The following DNAH9 variants were observed in gnomAD, a reference collection of about 807,000 sequenced individuals.
The protein encoded by DNAH9 is dynein axonemal heavy chain 9.
In DNAH9, 345 loss-of-function variants were observed where a neutral mutation model predicts 471.6. That is an observed-to-expected ratio of 0.73 (90% CI 0.67 to 0.80). The LOEUF is 0.80. Ranked by LOEUF, DNAH9 falls within the 30% of genes least tolerant of loss-of-function variation. The pLI is 0.00. For missense variants in DNAH9, 5,407 were observed against 5,609.2 expected, an observed-to-expected ratio of 0.96 and a Z score of 1.15; for synonymous variants, 2,093 against 2,123.6, an observed-to-expected ratio of 0.99 and a Z score of 0.40.
At chr17:11,891,357 G>T (rs551401313) in intron 57 of DNAH9, among the ~76,000 whole-genome samples, 9 of 152,008 alleles carry the variant, frequency 5.9e-5, no homozygotes, top group Admixed American at 1.3e-4. Context: ...CATTTCTTTG[G>T]TTTTTTTTGT....
intron 41 of DNAH9, among the ~76,000 whole-genome samples, chr17:11,784,885 T>G (rs1027269183): frequency 6.6e-6 from 1 of 151,910 alleles, no homozygotes; most frequent in African/African-American, 2.4e-5. Flanking sequence ...GAAAGAAAAC[T>G]ATTTTGGATC....
rs528525335 is a variant in DNAH9 at position 11,773,959 on chromosome 17, G to C, written c.7552+4630G>C. Among the ~76,000 whole-genome samples the C allele has an allele frequency of 7.2e-4, 110 of 151,902 alleles. 2 individuals carry two copies. The South Asian group carries it at 0.017, about 24-fold the overall frequency. ...AGCCTGGCCAACATGGTGAAACCCT[G>C]TCTCTATCAAAAATACAAAAAAAAA... On this transcript the variant is annotated intron_variant, in intron 38 of 68. Transcript: ENST00000262442.
intron 43 of DNAH9, among the ~76,000 whole-genome samples, chr17:11,807,272 A>G (rs1160130327): frequency 6.6e-6 from 1 of 152,156 alleles, no homozygotes; most frequent in Non-Finnish European, 1.5e-5. Context: ...CTTTCCTAAG[A>G]GGAACCAACT....
At chr17:11,949,065 C>G (rs1234585401) in intron 67 of DNAH9, among the ~76,000 whole-genome samples, 6 of 152,188 alleles carry the variant, frequency 3.9e-5, no homozygotes, top group Admixed American at 3.3e-4. Flanking sequence ...CTACAGCCTA[C>G]AAATCCAAGC....
chr17:11,895,888 T>G (rs1973201815), intron 59 of DNAH9, among the ~76,000 whole-genome samples: 1 of 152,254 alleles, frequency 6.6e-6, no homozygotes, highest in Non-Finnish European at 1.5e-5. Context: ...TAATTATTTA[T>G]ATACTTGCCG....
chr17:11,866,553 TCAGA>T (rs947472333), intron 50 of DNAH9, among the ~76,000 whole-genome samples: 7 of 152,194 alleles, frequency 4.6e-5, no homozygotes, highest in African/African-American at 7.2e-5. Context: ...TTCAAAGCTG[TCAGA>T]CAGAGACATT....
intron 61 of DNAH9, among the ~76,000 whole-genome samples, chr17:11,909,436 A>T (rs1014069704): frequency 6.6e-6 from 1 of 152,118 alleles, no homozygotes; most frequent in Non-Finnish European, 1.5e-5. Flanking sequence ...AGTTACTCAA[A>T]TTAGCCGGTC....
intron 45 of DNAH9, among the ~76,000 whole-genome samples, chr17:11,815,703 C>T (rs1014026185): frequency 5.3e-5 from 8 of 152,072 alleles, no homozygotes; most frequent in Admixed American, 1.3e-4. Context: ...GTGGGAAGAT[C>T]GCTTGTGCCC....
Position 11,669,078 on chromosome 17 carries a change from C to T in DNAH9, c.2746C>T (p.Leu916Phe), listed in dbSNP as rs975184967. ...LLENTECKAG[L>F]TPIFEAQLSL... ...GTGTTTTTCAGAGTGTAAGGCAGGA[C>T]TTACCCCAATATTTGAAGCACAACT... Residue 916 changes from leucine to phenylalanine, a missense_variant, in exon 16 of 69, where the codon CTT (leucine) becomes TTT (phenylalanine). Transcript: ENST00000262442. 1 of 1,612,384 alleles carries T rather than the reference C, an allele frequency of 6.2e-7. No homozygotes were observed. The highest frequency in any genetic ancestry group is 8.5e-7 in the Non-Finnish European group (1 of 1,178,944).
intron 29 of DNAH9, 73 bp from the exon 30 acceptor site, chr17:11,742,102 T>TG: frequency 7.0e-7 from 1 of 1,429,488 alleles, no homozygotes; most frequent in Non-Finnish European, 9.7e-7. Flanking sequence ...CGGCCAGTGC[T>TG]TATTTTCTTG....
At chr17:11,833,229 T>C (rs910651644) in intron 48 of DNAH9, among the ~76,000 whole-genome samples, 8 of 152,242 alleles carry the variant, frequency 5.3e-5, no homozygotes, top group Admixed American at 4.6e-4. Flanking sequence ...CTTCAGAGGC[T>C]GGGCTGGATG....
intron 36 of DNAH9, among the ~76,000 whole-genome samples, chr17:11,767,169 G>A (rs543095277): frequency 6.6e-6 from 1 of 152,250 alleles, no homozygotes; most frequent in South Asian, 2.1e-4. Flanking sequence ...CAGCATCGGG[G>A]CTGAGGAAAC....
rs1323763502 is a variant in DNAH9 at position 11,869,531 on chromosome 17, A to G, written c.10053+278A>G. On this transcript the variant is annotated intron_variant, in intron 51 of 68. Transcript: ENST00000262442. ...TGGTAACACACTTATATTCATGTGT[A>G]TTGACCAGAGGAAACATTACAAGAC... is the stretch of plus-strand genomic sequence containing the variant. 3.3e-5 allele frequency among the ~76,000 whole-genome samples: 5 copies of G among 152,054 alleles called. No homozygotes were observed. In the East Asian group the frequency reaches 8.2e-4, roughly 25 times the overall value.
Position 11,869,270 on chromosome 17 carries a change from G to A in DNAH9, c.10053+17G>A. The A allele has an allele frequency of 6.2e-6, 10 of 1,611,014 alleles. No homozygotes were observed. The highest frequency in any genetic ancestry group is 8.5e-6 in the Non-Finnish European group (10 of 1,178,706). ...AACCGCCTGGTGAGTGTAAGCCACA[G>A]CAGCCCGAGCTGTAATTATATTAGC... On this transcript the variant is annotated intron_variant, in intron 51 of 68. Transcript: ENST00000262442.
chr17:11,704,889 A>G, intron 25 of DNAH9, 136 bp from the exon 26 acceptor site: 1 of 737,144 alleles, frequency 1.4e-6, no homozygotes. Context: ...TGTGCTTTCT[A>G]TGCTGTGGTG....
At position 11,897,856 on chromosome 17, in the gene DNAH9, A is replaced by G. The variant is rs1056774050; in HGVS notation, c.11406+3360A>G. 3.3e-5 allele frequency among the ~76,000 whole-genome samples: 5 copies of G among 152,260 alleles called. No homozygotes were observed. In the South Asian group the frequency reaches 8.3e-4, roughly 25 times the overall value. ...CCTAGAGCTGTTCTAAGAAAGTACT[A>G]CAATGGAGTGGCTTAAAACAACAGA... On this transcript the variant is annotated intron_variant, in intron 59 of 68. Coordinates refer to ENST00000262442, the MANE Select transcript of DNAH9 (RefSeq NM_001372.4).
chr17:11,855,326 C>A (rs1431692313), intron 50 of DNAH9, among the ~76,000 whole-genome samples: 7 of 152,138 alleles, frequency 4.6e-5, no homozygotes, highest in African/African-American at 1.7e-4. Flanking sequence ...AAGAAATTTT[C>A]TATAATAGGC....
intron 49 of DNAH9, among the ~76,000 whole-genome samples, chr17:11,852,059 G>C (rs1202530750): frequency 6.6e-6 from 1 of 152,138 alleles, no homozygotes; most frequent in African/African-American, 2.4e-5. Context: ...CACCTGTGCT[G>C]CCTACCTCCC....
At position 11,807,872 on chromosome 17, in the gene DNAH9, G is replaced by C; in HGVS notation, c.8561G>C (p.Gly2854Ala). The C allele has an allele frequency of 1.9e-6, 3 of 1,611,184 alleles. No homozygotes were observed. Among genetic ancestry groups the C allele is most frequent in the Non-Finnish European group, 2.5e-6 (3 of 1,177,652 alleles). ...GTCTTCCAGATCACACTGCGCAAAG[G>C]CTACCAGATCCAGGACTTCAAGGTA... The part of the protein sequence containing the change: ...MDVFQITLRK[G>A]YQIQDFKMDL... The change falls in exon 44 of 69, where the codon GGC (glycine) becomes GCC (alanine). Residue 2854 changes from glycine (G) to alanine (A), a missense_variant. Physicochemically the swap from Gly to Ala is moderately conservative, Grantham distance 60. Coordinates refer to ENST00000262442, the MANE Select transcript of DNAH9 (RefSeq NM_001372.4).
Sources: allele counts gnomAD v4.1 joint callset (sites outside exome capture counted in the v4.1 genomes callset), GRCh38; gene constraint gnomAD v4.1.1; transcripts MANE v1.5; gene names NCBI Gene and HGNC (gene_info 2026-07-23, HGNC 2026-07-21).